RNF38: variants seen among roughly 807,000 people sequenced by gnomAD.
RNF38 encodes E3 ubiquitin-protein ligase RNF38.
In RNF38, 15 loss-of-function variants were observed where a neutral mutation model predicts 67.2. The ratio of observed to expected loss-of-function variants is 0.22; its 90% CI spans 0.15 to 0.34. The LOEUF (loss-of-function observed/expected upper bound fraction) is 0.34, where lower values mean the gene tolerates loss of function less well. Ranked by LOEUF, RNF38 falls within the 10% of genes least tolerant of loss-of-function variation. The probability of loss-of-function intolerance (pLI) is 1.00; values close to 1 mark genes in which losing one functional copy is unlikely to be tolerated. For synonymous variants in RNF38, 220 were observed against 218.8 expected, an observed-to-expected ratio of 1.01 and a Z score of -0.05; for missense variants, 524 against 639.9, an observed-to-expected ratio of 0.82 and a Z score of 1.95.
intron 2 of RNF38, among the ~76,000 whole-genome samples, chr9:36,420,135 G>A (rs1838580918): frequency 6.6e-6 from 1 of 152,204 alleles, no homozygotes; most frequent in African/African-American, 2.4e-5. Context: ...GTGTACTGCT[G>A]TGTGATCTTG....
chr9:36,385,324 C>CA (rs1301906281), intron 2 of RNF38, among the ~76,000 whole-genome samples: 3 of 150,814 alleles, frequency 2.0e-5, no homozygotes, highest in African/African-American at 7.3e-5. Context: ...AAACTTGCAC[C>CA]AAAAAGAGGT....
intron 2 of RNF38, among the ~76,000 whole-genome samples, chr9:36,416,799 C>T (rs1422640304): frequency 7.9e-6 from 1 of 127,190 alleles, no homozygotes; most frequent in African/African-American, 3.0e-5. Context: ...GTGGCCCAGG[C>T]TGGAGTGCAG....
At chr9:36,483,059 T>C (rs1840315744) in intron 1 of RNF38, among the ~76,000 whole-genome samples, 1 of 152,074 alleles carries the variant, frequency 6.6e-6, no homozygotes, top group African/African-American at 2.4e-5. Context: ...TTTTGCTGGG[T>C]GCAATCTCTA....
At chr9:36,469,788 C>A (rs1178049094) in intron 1 of RNF38, among the ~76,000 whole-genome samples, 1 of 152,132 alleles carries the variant, frequency 6.6e-6, no homozygotes, top group Non-Finnish European at 1.5e-5. Context: ...CCAGCCTGGC[C>A]AACATGGCGA....
chr9:36,434,478 G>A (rs545936960), intron 1 of RNF38, among the ~76,000 whole-genome samples: 10 of 152,226 alleles, frequency 6.6e-5, no homozygotes, highest in African/African-American at 1.9e-4. Context: ...TCCGCCTCCC[G>A]GGTTCAAGCG....
chr9:36,456,276 C>T (rs1040969356), intron 1 of RNF38, among the ~76,000 whole-genome samples: 2 of 152,240 alleles, frequency 1.3e-5, no homozygotes, highest in South Asian at 2.1e-4. Flanking sequence ...AGGCTGGTCT[C>T]GAACTTCTGG....
rs977439026 is a variant in RNF38, at chr9:36,338,883, C to T, written c.*869G>A. The T allele has an allele frequency of 3.9e-5, 6 of 152,532 alleles. No homozygotes were observed. Among genetic ancestry groups the T allele is most frequent in the Non-Finnish European group, 7.3e-5 (5 of 68,046 alleles). The allele number at this position is 152,532 out of a possible 1,614,324, so 9.4% of individuals were successfully genotyped here. A position where few individuals can be genotyped will look rare whatever the true frequency, so the allele number is the denominator to read the frequency against. On this transcript the variant is annotated 3_prime_UTR_variant, in exon 12 of 12. Coordinates refer to ENST00000259605, the MANE Select transcript of RNF38 (RefSeq NM_022781.5). ...CTAACTGATGATATATGATATTGCA[C>T]CTTCTTTTTGGAAACAGCAAGTTGG...
chr9:36,358,043 C>T, intron 4 of RNF38, 101 bp from the exon 5 acceptor site: 2 of 852,296 alleles, frequency 2.3e-6, no homozygotes, highest in Admixed American at 2.2e-5. Flanking sequence ...CTCTCAGCTA[C>T]ACGGATTTTC....
At chr9:36,399,332 G>A (rs950117119) in intron 1 of RNF38, among the ~76,000 whole-genome samples, 1 of 151,956 alleles carries the variant, frequency 6.6e-6, no homozygotes, top group Non-Finnish European at 1.5e-5. Flanking sequence ...CCCACATGAC[G>A]AGTCTGTGGC....
chr9:36,383,807 G>GT (rs112648686), intron 2 of RNF38, among the ~76,000 whole-genome samples: 3,416 of 145,482 alleles, frequency 0.023, 59 homozygotes, highest in Middle Eastern at 0.033. Flanking sequence ...TACGTGCCAA[G>GT]TTTTTTTTTT....
rs373144664 is a variant in RNF38, at chr9:36,427,649, T to C, written n.242-2966A>G. On this transcript the variant is annotated intron_variant and non_coding_transcript_variant, in intron 1 of 3. Transcript: ENST00000488058. The stretch of plus-strand genomic sequence containing the variant: ...GAATCTGGGTTCCTTGATCTTGAAT[T>C]TCCCAGCCTCTATCTATCTATCTAT... 2.5e-3 allele frequency among the ~76,000 whole-genome samples: 369 copies of C among 149,114 alleles called. 1 individual carries two copies. Among genetic ancestry groups the C allele is most frequent in the African/African-American group, 8.6e-3 (350 of 40,496 alleles).
chr9:36,403,385 G>C (rs1484057427), upstream of RNF38, among the ~76,000 whole-genome samples: 1 of 152,232 alleles, frequency 6.6e-6, no homozygotes, highest in Non-Finnish European at 1.5e-5. Flanking sequence ...TAGCTACTGA[G>C]CACTTGAAAT....
At chr9:36,466,259 TG>T (rs1447886592) in intron 1 of RNF38, among the ~76,000 whole-genome samples, 1 of 152,052 alleles carries the variant, frequency 6.6e-6, no homozygotes, top group Non-Finnish European at 1.5e-5. Context: ...TGGGAGGAAA[TG>T]GAGAGTGACT....
chr9:36,414,372 T>C (rs990432593), intron 2 of RNF38, among the ~76,000 whole-genome samples: 1 of 152,192 alleles, frequency 6.6e-6, no homozygotes, highest in Non-Finnish European at 1.5e-5. Flanking sequence ...GGTTCTATTT[T>C]GGTGTACTTT....
Position 36,390,577 on chromosome 9 carries a change from G to C in RNF38, c.52C>G (p.Pro18Ala), listed in dbSNP as rs746687265. 1 of 1,613,988 alleles carries C rather than the reference G, an allele frequency of 6.2e-7. No individual in the cohort carries two copies. Among genetic ancestry groups the C allele is most frequent in the African/African-American group, 1.3e-5 (1 of 74,902 alleles). Residue 18 changes from proline to alanine, a missense_variant, in exon 2 of 12, where the codon CCT becomes GCT. Physicochemically the swap from Pro to Ala is conservative, Grantham distance 27. Transcript: ENST00000259605. ...ACCCTTTCACAAATCACCTTGTTAG[G>C]ATGGCCAGGTAGAGATGCTGAATTG... ...GANSASLPGHPNKVICERVRL... is the reference protein window; with the variant it reads ...GANSASLPGHANKVICERVRL...
At chr9:36,458,712 T>C (rs1839651711) in intron 1 of RNF38, among the ~76,000 whole-genome samples, 1 of 150,128 alleles carries the variant, frequency 6.7e-6, no homozygotes, top group Non-Finnish European at 1.5e-5. Flanking sequence ...TCTTTAAGAG[T>C]TGTAACACTC....
At chr9:36,403,729 A>G (rs926513679), upstream of RNF38, among the ~76,000 whole-genome samples, 1 of 152,236 alleles carries the variant, frequency 6.6e-6, no homozygotes, top group African/African-American at 2.4e-5. Flanking sequence ...CTGCCATTCT[A>G]ATACATGGGA....
intron 2 of RNF38, among the ~76,000 whole-genome samples, chr9:36,388,533 G>A (rs1201607003): frequency 1.3e-5 from 2 of 152,092 alleles, no homozygotes; most frequent in African/African-American, 2.4e-5. Flanking sequence ...AAGACTGGTG[G>A]TAGAAACAAC....
At position 36,337,115 on chromosome 9, in the gene RNF38, C is replaced by T. The variant is rs978488559; in HGVS notation, c.*2637G>A. 6.6e-6 allele frequency: 1 copy of T among 152,214 alleles called. No homozygotes were observed. The highest frequency in any genetic ancestry group is 2.4e-5 in the African/African-American group (1 of 41,456). 9.4% of individuals were successfully genotyped at this position (152,214 alleles called of 1,614,324 possible). A position where few individuals can be genotyped will look rare whatever the true frequency, so the allele number is the denominator to read the frequency against. On this transcript the variant is annotated 3_prime_UTR_variant, in exon 12 of 12. Coordinates refer to ENST00000259605, the MANE Select transcript of RNF38 (RefSeq NM_022781.5). Reference sequence around the variant, plus strand: ...AAGAGGACGAAGGCCAATGAACCAACATCTGCCTGCTATCTGGTGCATCAC... The same window carrying T: ...AAGAGGACGAAGGCCAATGAACCAATATCTGCCTGCTATCTGGTGCATCAC...
Sources: gnomAD v4.1 joint callset for allele counts (sites outside exome capture counted in the v4.1 genomes callset) on GRCh38, gnomAD v4.1.1 for gene constraint, MANE v1.5 for transcripts, NCBI Gene and HGNC (gene_info 2026-07-23, HGNC 2026-07-21) for gene names.